The following GALNT17 variants were observed in gnomAD, a reference collection of about 807,000 sequenced individuals.
GALNT17 encodes UDP-GalNAc:polypeptide N-acetylgalactosaminyltransferase-like 3.
Under a neutral mutation model 63.7 loss-of-function variants are expected in GALNT17, and 29 were observed. The ratio of observed to expected loss-of-function variants is 0.46; its 90% CI spans 0.34 to 0.62. The LOEUF is 0.62. Ranked by LOEUF, GALNT17 falls within the 20% of genes least tolerant of loss-of-function variation. The probability of loss-of-function intolerance (pLI) is 0.01; values close to 1 mark genes in which losing one functional copy is unlikely to be tolerated. For synonymous variants in GALNT17, 305 were observed against 318.3 expected (o/e 0.96, Z 0.45); for missense variants, 603 against 799.6 (o/e 0.75, Z 2.97).
Position 71,558,317 on chromosome 7 carries a change from G to GT in GALNT17, c.963-12958dup, listed in dbSNP as rs1026229443. Among the ~76,000 whole-genome samples the GT allele has an allele frequency of 6.9e-3, 1,020 of 148,462 alleles. 10 individuals are homozygous for GT. Among genetic ancestry groups the GT allele is most frequent in the African/African-American group, 0.022 (892 of 40,576 alleles). ...CAAAATGTAACATTAATGAGTCTAG[G>GT]TTTTTTTTTTGGTAATCTGGGTCTA... On this transcript the variant is annotated intron_variant, in intron 5 of 10. Coordinates refer to ENST00000333538, the MANE Select transcript of GALNT17 (RefSeq NM_022479.3).
chr7:71,490,908 A>G (rs1455846914), intron 5 of GALNT17, among the ~76,000 whole-genome samples: 1 of 152,102 alleles, frequency 6.6e-6, no homozygotes, highest in Non-Finnish European at 1.5e-5. Flanking sequence ...AAAAAAGGAA[A>G]AATGACTGGG....
chr7:71,701,819 A>G (rs1175241736), intron 9 of GALNT17, among the ~76,000 whole-genome samples: 30 of 6,978 alleles, frequency 4.3e-3, no homozygotes, highest in Non-Finnish European at 3.4e-3. Flanking sequence ...ATATATACAC[A>G]TATATATACA....
At chr7:71,417,389 C>T (rs1277444495) in intron 4 of GALNT17, among the ~76,000 whole-genome samples, 1 of 152,164 alleles carries the variant, frequency 6.6e-6, no homozygotes, top group African/African-American at 2.4e-5. Flanking sequence ...CCAATTTTCC[C>T]TCCCAGTTTT....
At chr7:71,592,377 C>T (rs1789815621) in intron 6 of GALNT17, among the ~76,000 whole-genome samples, 1 of 151,932 alleles carries the variant, frequency 6.6e-6, no homozygotes, top group South Asian at 2.1e-4. Flanking sequence ...TGCCTGTAAT[C>T]CCAGCTATGC....
chr7:71,263,707 AG>A (rs1212926572), intron 1 of GALNT17, among the ~76,000 whole-genome samples: 4 of 151,988 alleles, frequency 2.6e-5, no homozygotes, highest in African/African-American at 9.7e-5. Context: ...GCGGATCACT[AG>A]GTCAGGAGAT....
intron 1 of GALNT17, among the ~76,000 whole-genome samples, chr7:71,212,699 C>A (rs1789404406): frequency 6.6e-6 from 1 of 152,118 alleles, no homozygotes; most frequent in South Asian, 2.1e-4. Context: ...ATCAGTGTGA[C>A]CTGGATGTGA....
intron 1 of GALNT17, among the ~76,000 whole-genome samples, chr7:71,258,322 C>G (rs1344542716): frequency 6.6e-6 from 1 of 152,224 alleles, no homozygotes; most frequent in African/African-American, 2.4e-5. Context: ...AATGCTGATT[C>G]ATGGTCAAGA....
At chr7:71,210,688 G>A (rs1180877803) in intron 1 of GALNT17, among the ~76,000 whole-genome samples, 2 of 152,172 alleles carry the variant, frequency 1.3e-5, no homozygotes, top group African/African-American at 4.8e-5. Context: ...GGTTGTTTGG[G>A]TTTGAATCTC....
intron 3 of GALNT17, among the ~76,000 whole-genome samples, chr7:71,399,237 T>G (rs11979445): frequency 3.9e-5 from 6 of 152,048 alleles, no homozygotes; most frequent in African/African-American, 9.7e-5. Context: ...CCATCCCCCC[T>G]GCCCTCCTCC....
chr7:71,270,126 T>A (rs1195310561), intron 1 of GALNT17, among the ~76,000 whole-genome samples: 1 of 152,156 alleles, frequency 6.6e-6, no homozygotes, highest in Non-Finnish European at 1.5e-5. Context: ...TTACTATTTT[T>A]AGCCCCGTTT....
intron 6 of GALNT17, among the ~76,000 whole-genome samples, chr7:71,643,327 G>A (rs1171809780): frequency 2.0e-5 from 3 of 152,072 alleles, no homozygotes; most frequent in African/African-American, 7.2e-5. Flanking sequence ...ACTTAGGTGG[G>A]CGTGGTGGCG....
chr7:71,160,617 C>G (rs1788324932), intron 1 of GALNT17, among the ~76,000 whole-genome samples: 1 of 152,134 alleles, frequency 6.6e-6, no homozygotes, highest in South Asian at 2.1e-4. Context: ...TGCTACCATG[C>G]CTGGCTAATT....
At chr7:71,344,489 G>T (rs1563019500) in intron 2 of GALNT17, among the ~76,000 whole-genome samples, 1 of 152,056 alleles carries the variant, frequency 6.6e-6, no homozygotes, top group Non-Finnish European at 1.5e-5. Context: ...GCCCTGGGTG[G>T]GGACTTTCAC....
At chr7:71,662,527 C>A (rs1200682122) in intron 6 of GALNT17, among the ~76,000 whole-genome samples, 2 of 152,064 alleles carry the variant, frequency 1.3e-5, no homozygotes, top group Non-Finnish European at 2.9e-5. Flanking sequence ...ACCACCAAAC[C>A]CATTAGCAGT....
At chr7:71,501,169 A>T (rs1311343299) in intron 5 of GALNT17, among the ~76,000 whole-genome samples, 1 of 151,764 alleles carries the variant, frequency 6.6e-6, no homozygotes, top group South Asian at 2.1e-4. Flanking sequence ...GGGTTTTCTC[A>T]TGTTGGCCAG....
At chr7:71,493,990 G>A (rs1434156372) in intron 5 of GALNT17, among the ~76,000 whole-genome samples, 1 of 151,926 alleles carries the variant, frequency 6.6e-6, no homozygotes, top group Non-Finnish European at 1.5e-5. Flanking sequence ...TAAGAGGCAG[G>A]GTGTATTAGT....
chr7:71,552,967 C>G (rs1296173266), intron 5 of GALNT17, among the ~76,000 whole-genome samples: 1 of 152,078 alleles, frequency 6.6e-6, no homozygotes, highest in Admixed American at 6.5e-5. Flanking sequence ...CTTTTCTAGT[C>G]TCGGCCAGAG....
At chr7:71,366,867 AAT>A (rs980718091) in intron 2 of GALNT17, among the ~76,000 whole-genome samples, 1 of 152,154 alleles carries the variant, frequency 6.6e-6, no homozygotes, top group African/African-American at 2.4e-5. Context: ...AGGCTAAAAA[AAT>A]ATTTCTTTAT....
At chr7:71,336,706 A>G (rs1006161241) in intron 2 of GALNT17, among the ~76,000 whole-genome samples, 2 of 152,212 alleles carry the variant, frequency 1.3e-5, no homozygotes, top group Admixed American at 6.5e-5. Flanking sequence ...TCCATGGTGT[A>G]TATGTGCCAC....
Sources: allele counts gnomAD v4.1 joint callset (sites outside exome capture counted in the v4.1 genomes callset), GRCh38; gene constraint gnomAD v4.1.1; transcripts MANE v1.5; gene names NCBI Gene and HGNC (gene_info 2026-07-23, HGNC 2026-07-21).